The following EPHB1 variants were observed in gnomAD, a reference collection of about 807,000 sequenced individuals.
The protein encoded by EPHB1 is EPH receptor B1.
Under a neutral mutation model 94.4 loss-of-function variants are expected in EPHB1, and 30 were observed. The observed-to-expected ratio is 0.32, with a 90% confidence interval of 0.24 to 0.43. The LOEUF (loss-of-function observed/expected upper bound fraction) is 0.43. Among genes scored for constraint, EPHB1 ranks in the 20% least tolerant of loss-of-function variants. EPHB1 has a pLI of 1.00. For synonymous variants in EPHB1, 522 were observed against 489.1 expected (o/e 1.07, Z -0.89); for missense variants, 1,055 against 1,308.3 (o/e 0.81, Z 2.99).
chr3:135,054,076 A>G (rs892974647), intron 3 of EPHB1, among the ~76,000 whole-genome samples: 3 of 143,092 alleles, frequency 2.1e-5, no homozygotes, highest in Non-Finnish European at 3.1e-5. Context: ...CACACATAGC[A>G]TTATTTATAT....
At chr3:135,096,867 G>T (rs888073657) in intron 3 of EPHB1, among the ~76,000 whole-genome samples, 2 of 152,178 alleles carry the variant, frequency 1.3e-5, no homozygotes, top group Non-Finnish European at 2.9e-5. Flanking sequence ...GGAGGCCAAG[G>T]GGGGCGGATC....
intron 4 of EPHB1, among the ~76,000 whole-genome samples, chr3:135,127,828 G>A (rs777517223): frequency 6.6e-6 from 1 of 152,128 alleles, no homozygotes; most frequent in Non-Finnish European, 1.5e-5. Context: ...GAAGGATCCT[G>A]TTTAACTCCA....
In EPHB1 at chr3:134,809,902, C is replaced by T. The variant is rs115006676; in HGVS notation, c.58+14213C>T. On this transcript the variant is annotated intron_variant, in intron 1 of 15. Transcript: ENST00000398015. ...TCTTTGGACAGGCAGCGAATTAGGT[C>T]CATTTAATGGATGTGGCAGCTGAGG... Among the ~76,000 whole-genome samples, 697 of 152,254 alleles carry T rather than the reference C, an allele frequency of 4.6e-3. 6 individuals carry two copies. Among genetic ancestry groups the T allele is most frequent in the African/African-American group, 0.016 (668 of 41,532 alleles).
rs199615193 is a variant in EPHB1, at chr3:135,097,154, A to AT, written c.806-9285dup. 9.3e-3 allele frequency among the ~76,000 whole-genome samples: 1,211 copies of AT among 130,742 alleles called. 10 individuals carry two copies. Among genetic ancestry groups the AT allele is most frequent in the South Asian group, 0.027 (104 of 3,840 alleles). The allele number at this position is 130,742 out of a possible 152,430, so 85.8% of individuals were successfully genotyped here. A position where few individuals can be genotyped will look rare whatever the true frequency, so the allele number is the denominator to read the frequency against. On this transcript the variant is annotated intron_variant, in intron 3 of 15. Coordinates refer to ENST00000398015, the MANE Select transcript of EPHB1 (RefSeq NM_004441.5). Reference sequence around the variant, plus strand: ...ATTCGGAATTAGGCTTCAACGTATGATTTTTTTTTCTTTGTTTTTTTTTTT... The same window carrying AT: ...ATTCGGAATTAGGCTTCAACGTATGATTTTTTTTTTCTTTGTTTTTTTTTTT...
intron 5 of EPHB1, among the ~76,000 whole-genome samples, chr3:135,145,770 T>C (rs1403832873): frequency 6.6e-6 from 1 of 152,132 alleles, no homozygotes; most frequent in Admixed American, 6.5e-5. Context: ...GCCTATTCTA[T>C]GTTCTTTGTG....
chr3:135,203,796 G>A (rs1328257330), intron 12 of EPHB1, among the ~76,000 whole-genome samples: 3 of 152,094 alleles, frequency 2.0e-5, no homozygotes, highest in Non-Finnish European at 2.9e-5. Flanking sequence ...TGTGATCTGG[G>A]GTGTCTTTTG....
intron 3 of EPHB1, among the ~76,000 whole-genome samples, chr3:135,014,334 C>A (rs980089586): frequency 6.6e-6 from 1 of 152,182 alleles, no homozygotes; most frequent in Non-Finnish European, 1.5e-5. Context: ...TGCTCTATGG[C>A]CCAGCCCGAC....
intron 1 of EPHB1, among the ~76,000 whole-genome samples, chr3:134,888,357 G>A (rs777696137): frequency 1.3e-5 from 2 of 152,186 alleles, no homozygotes; most frequent in Admixed American, 6.5e-5. Flanking sequence ...GAGGACCTGC[G>A]GTGAAAGCTG....
intron 13 of EPHB1, among the ~76,000 whole-genome samples, chr3:135,245,232 G>A (rs536514158): frequency 3.9e-5 from 6 of 152,222 alleles, no homozygotes; most frequent in South Asian, 2.1e-4. Flanking sequence ...GCATCACTTC[G>A]GTGTCATTTA....
At chr3:134,832,646 A>G (rs1463847861) in intron 1 of EPHB1, among the ~76,000 whole-genome samples, 1 of 152,246 alleles carries the variant, frequency 6.6e-6, no homozygotes, top group Admixed American at 6.5e-5. Context: ...TCAATGGAAA[A>G]CAATCTCACT....
intron 5 of EPHB1, among the ~76,000 whole-genome samples, chr3:135,152,195 A>G (rs1941215715): frequency 6.6e-6 from 1 of 152,226 alleles, no homozygotes; most frequent in Non-Finnish European, 1.5e-5. Context: ...GGAAGATCTA[A>G]CTAGTTTCCT....
At chr3:135,048,582 C>T (rs6439549) in intron 3 of EPHB1, among the ~76,000 whole-genome samples, 13,775 of 152,176 alleles carry the variant, frequency 0.091, 1,166 homozygotes, top group African/African-American at 0.22. Context: ...AAATACTCCC[C>T]TCTTGCCAAG....
chr3:134,915,361 A>T (rs2038543611), intron 1 of EPHB1, among the ~76,000 whole-genome samples: 1 of 152,190 alleles, frequency 6.6e-6, no homozygotes, highest in African/African-American at 2.4e-5. Flanking sequence ...ACAGACAGGG[A>T]GAGCAGCATG....
At chr3:134,857,475 A>G (rs571060932) in intron 1 of EPHB1, among the ~76,000 whole-genome samples, 55 of 152,200 alleles carry the variant, frequency 3.6e-4, no homozygotes, top group African/African-American at 1.2e-3. Context: ...TGCGGGTGTC[A>G]GCCCTGGGGT....
At chr3:135,120,921 C>G (rs955997580) in intron 4 of EPHB1, among the ~76,000 whole-genome samples, 7 of 152,140 alleles carry the variant, frequency 4.6e-5, no homozygotes, top group Admixed American at 6.5e-5. Flanking sequence ...AGATGCAGGA[C>G]TCCTCCCCGG....
intron 3 of EPHB1, among the ~76,000 whole-genome samples, chr3:135,076,234 GATATATATATAT>G (rs60727518): frequency 6.2e-4 from 81 of 130,844 alleles, no homozygotes; most frequent in South Asian, 9.5e-4. Flanking sequence ...TCTGAAAAGG[GATATATATATAT>G]ATATATATAT....
At chr3:135,187,831 T>C (rs980660215) in intron 10 of EPHB1, among the ~76,000 whole-genome samples, 1 of 152,054 alleles carries the variant, frequency 6.6e-6, no homozygotes, top group Non-Finnish European at 1.5e-5. Context: ...GAAACCTACT[T>C]TTCCTCTCTT....
At chr3:134,820,940 G>A (rs924432205) in intron 1 of EPHB1, among the ~76,000 whole-genome samples, 1 of 152,104 alleles carries the variant, frequency 6.6e-6, no homozygotes, top group South Asian at 2.1e-4. Flanking sequence ...AATTTTGAAG[G>A]CAGGCAAGTC....
intron 3 of EPHB1, among the ~76,000 whole-genome samples, chr3:134,967,282 T>A (rs1337405672): frequency 6.6e-6 from 1 of 152,162 alleles, no homozygotes; most frequent in Non-Finnish European, 1.5e-5. Context: ...ACATTGGTAC[T>A]AACTAGTCAG....
Sources: gnomAD v4.1 joint callset for allele counts (sites outside exome capture counted in the v4.1 genomes callset) on GRCh38, gnomAD v4.1.1 for gene constraint, MANE v1.5 for transcripts, NCBI Gene and HGNC (gene_info 2026-07-23, HGNC 2026-07-21) for gene names.